FRMD4A: variants seen among roughly 807,000 people sequenced by gnomAD.
The protein encoded by FRMD4A is FERM domain containing 4A.
FRMD4A carries 29 observed loss-of-function variants against 129.1 expected under a neutral mutation model. That is an observed-to-expected ratio of 0.22 (90% CI 0.17 to 0.31). The LOEUF (loss-of-function observed/expected upper bound fraction) is 0.31. Ranked by LOEUF, FRMD4A falls within the 10% of genes least tolerant of loss-of-function variation. The probability of loss-of-function intolerance (pLI) is 1.00; values close to 1 mark genes in which losing one functional copy is unlikely to be tolerated. For synonymous variants in FRMD4A, 634 were observed against 571.6 expected (o/e 1.11, Z -1.56); for missense variants, 1,272 against 1,375.8 (o/e 0.92, Z 1.19).
intron 12 of FRMD4A, among the ~76,000 whole-genome samples, chr10:13,725,505 C>T (rs77817914): frequency 6.4e-4 from 97 of 152,260 alleles, no homozygotes; most frequent in African/African-American, 2.3e-3. Context: ...AATAGTTGCT[C>T]TCTAAGAATT....
intron 3 of FRMD4A, among the ~76,000 whole-genome samples, chr10:13,824,506 A>C (rs751602547): frequency 1.3e-5 from 2 of 151,692 alleles, no homozygotes; most frequent in African/African-American, 4.8e-5. Flanking sequence ...AAAAATAATA[A>C]ATAAATAAAG....
chr10:14,298,477 C>A (rs1470172419), intron 2 of FRMD4A, among the ~76,000 whole-genome samples: 1 of 152,162 alleles, frequency 6.6e-6, no homozygotes, highest in African/African-American at 2.4e-5. Context: ...CCATGCCCTG[C>A]CTGAGGGAAG....
intron 6 of FRMD4A, among the ~76,000 whole-genome samples, chr10:13,775,736 G>C (rs1047209279): frequency 1.5e-4 from 23 of 152,204 alleles, no homozygotes; most frequent in African/African-American, 5.5e-4. Context: ...AGGAGTCTAA[G>C]AGGGAGGTCC....
At chr10:13,653,425 G>A (rs2081849777) in intron 23 of FRMD4A, 1 of 152,322 alleles carries the variant, frequency 6.6e-6, no homozygotes, top group African/African-American at 2.4e-5. Flanking sequence ...AGAATCACTT[G>A]AACCATGGAG....
chr10:14,027,363 G>A (rs986182115), intron 2 of FRMD4A, among the ~76,000 whole-genome samples: 10 of 152,188 alleles, frequency 6.6e-5, no homozygotes, highest in Non-Finnish European at 1.2e-4. Flanking sequence ...CAATGCGGCC[G>A]GGCATGGTGG....
At chr10:13,677,629 G>C (rs2084116868) in intron 15 of FRMD4A, among the ~76,000 whole-genome samples, 1 of 152,090 alleles carries the variant, frequency 6.6e-6, no homozygotes, top group African/African-American at 2.4e-5. Flanking sequence ...AAATGGTTCA[G>C]GTTTGCTCTC....
chr10:13,934,039 G>A (rs577898525), intron 2 of FRMD4A, among the ~76,000 whole-genome samples: 1 of 152,280 alleles, frequency 6.6e-6, no homozygotes, highest in South Asian at 2.1e-4. Context: ...CATTATGAAT[G>A]GAGATCTAAA....
rs901879530 is a variant in FRMD4A, at chr10:13,645,385, G to T, written c.*1653C>A. On this transcript the variant is annotated 3_prime_UTR_variant, in exon 25 of 25. Transcript: ENST00000357447. ...CCCACCCCATCCCCCCACCACTTGCGCCAAAAGCACAGCATACCACCTCTG... is the reference window on the plus strand; with the variant it reads ...CCCACCCCATCCCCCCACCACTTGCTCCAAAAGCACAGCATACCACCTCTG... 9.6e-5 allele frequency: 11 copies of T among 115,172 alleles called. No homozygotes were observed. The highest frequency in any genetic ancestry group is 8.4e-5 in the Non-Finnish European group (5 of 59,526). The allele number at this position is 115,172 out of a possible 1,614,324, so 7.1% of individuals were successfully genotyped here. A position where few individuals can be genotyped will look rare whatever the true frequency, so the allele number is the denominator to read the frequency against.
intron 2 of FRMD4A, among the ~76,000 whole-genome samples, chr10:14,296,141 G>A (rs1469113746): frequency 6.6e-6 from 1 of 152,118 alleles, no homozygotes; most frequent in Non-Finnish European, 1.5e-5. Flanking sequence ...GAAAAATAGA[G>A]CCAAGGGAGA....
chr10:14,245,385 A>C (rs1178861155), intron 2 of FRMD4A, among the ~76,000 whole-genome samples: 1 of 152,218 alleles, frequency 6.6e-6, no homozygotes, highest in Non-Finnish European at 1.5e-5. Context: ...TTGTGAAGGA[A>C]GTTAGTTCAA....
Position 13,652,336 on chromosome 10 carries a change from C to T in FRMD4A, c.3051-362G>A, listed in dbSNP as rs527986209. On this transcript the variant is annotated intron_variant, in intron 23 of 24. Coordinates refer to ENST00000357447, the MANE Select transcript of FRMD4A (RefSeq NM_018027.5). ...CAAGACCATCTTAAGTGCATAGGAC[C>T]CTGAGGAGGGCTTGTACATTTCGGA... is the stretch of plus-strand genomic sequence containing the variant. The T allele has an allele frequency of 3.2e-4, 89 of 274,372 alleles. 1 individual carries two copies. In the South Asian group the frequency reaches 4.4e-3, roughly 14 times the overall value. The allele number at this position is 274,372 out of a possible 1,614,324, so 17.0% of individuals were successfully genotyped here.
At chr10:14,042,064 C>T (rs1000597453) in intron 2 of FRMD4A, among the ~76,000 whole-genome samples, 1 of 152,192 alleles carries the variant, frequency 6.6e-6, no homozygotes, top group African/African-American at 2.4e-5. Context: ...TAGGAATAAA[C>T]AGAAACTTCT....
At chr10:13,771,919 GAAACAAAACC>G (rs2092465116) in intron 6 of FRMD4A, among the ~76,000 whole-genome samples, 1 of 147,394 alleles carries the variant, frequency 6.8e-6, no homozygotes, top group Non-Finnish European at 1.5e-5. Context: ...GTTTCACTTT[GAAACAAAACC>G]AAACAAAACA....
chr10:14,226,862 C>T (rs566112602), intron 2 of FRMD4A, among the ~76,000 whole-genome samples: 2 of 152,298 alleles, frequency 1.3e-5, no homozygotes, highest in South Asian at 4.2e-4. Context: ...CCCTCCTGCT[C>T]CCCGCTGCCT....
chr10:13,657,150 CG>C lies in FRMD4A; in HGVS notation c.2438del (p.Ala813GlyfsTer84). On this transcript the variant is annotated frameshift_variant, in exon 22 of 25. Transcript: ENST00000357447. LOFTEE classifies it high-confidence loss of function. Reference sequence around the variant, plus strand: ...GGTACACACCGCCCCCCGCGCCCCCCGCGCCCCCCGCACCCCCGCGCGCCGC... The same window carrying C: ...GGTACACACCGCCCCCCGCGCCCCCCCGCCCCCCGCACCCCCGCGCGCCGC... ...NLAARGGAGG[A>X]GGAGGGVYLH... The C allele has an allele frequency of 6.8e-7, 1 of 1,479,874 alleles. No homozygotes were observed. The highest frequency in any genetic ancestry group is 8.9e-7 in the Non-Finnish European group (1 of 1,117,876). The allele number at this position is 1,479,874 out of a possible 1,614,324, so 91.7% of individuals were successfully genotyped here. A position where few individuals can be genotyped will look rare whatever the true frequency, so the allele number is the denominator to read the frequency against.
At chr10:14,276,767 A>T (rs1259119781) in intron 2 of FRMD4A, among the ~76,000 whole-genome samples, 1 of 152,170 alleles carries the variant, frequency 6.6e-6, no homozygotes, top group African/African-American at 2.4e-5. Flanking sequence ...TGACCTTCCC[A>T]TCTTCCTGCT....
intron 8 of FRMD4A, among the ~76,000 whole-genome samples, chr10:13,759,149 T>C (rs917473583): frequency 7.9e-5 from 12 of 152,206 alleles, no homozygotes; most frequent in Non-Finnish European, 1.6e-4. Flanking sequence ...GGTTTTAGGC[T>C]GTGAGATAAA....
At chr10:13,871,773 G>A (rs766307509) in intron 2 of FRMD4A, among the ~76,000 whole-genome samples, 3 of 152,210 alleles carry the variant, frequency 2.0e-5, no homozygotes, top group South Asian at 2.1e-4. Flanking sequence ...GATGCCAAGC[G>A]TGGGAAGGAG....
chr10:13,978,814 G>C (rs966190145), intron 2 of FRMD4A, among the ~76,000 whole-genome samples: 1 of 152,068 alleles, frequency 6.6e-6, no homozygotes, highest in Non-Finnish European at 1.5e-5. Flanking sequence ...AAAATATTTT[G>C]GGTCCCTGGG....
Sources: allele counts gnomAD v4.1 joint callset (sites outside exome capture counted in the v4.1 genomes callset), GRCh38; gene constraint gnomAD v4.1.1; transcripts MANE v1.5; gene names NCBI Gene and HGNC (gene_info 2026-07-23, HGNC 2026-07-21).